PRKCE: variants seen among roughly 807,000 people sequenced by gnomAD.
The protein encoded by PRKCE is protein kinase C epsilon type.
PRKCE carries 16 observed loss-of-function variants against 85.4 expected under a neutral mutation model. The ratio of observed to expected loss-of-function variants is 0.19; its 90% confidence interval spans 0.13 to 0.28. The LOEUF (loss-of-function observed/expected upper bound fraction) is 0.28. PRKCE is among the 10% of genes least tolerant of loss of function. The pLI is 1.00. For synonymous variants in PRKCE, 388 were observed against 371.5 expected, an observed-to-expected ratio of 1.04 and a Z score of -0.51; for missense variants, 573 against 975.2, an observed-to-expected ratio of 0.59 and a Z score of 5.49.
intron 1 of PRKCE, among the ~76,000 whole-genome samples, chr2:45,757,254 T>A (rs1275548459): frequency 7.1e-6 from 1 of 140,078 alleles, no homozygotes; most frequent in East Asian, 2.1e-4. Flanking sequence ...TTGCAGTGTG[T>A]TGAGATTGCA....
intron 14 of PRKCE, among the ~76,000 whole-genome samples, chr2:46,169,876 G>C (rs1432870026): frequency 6.6e-6 from 1 of 152,190 alleles, no homozygotes; most frequent in African/African-American, 2.4e-5. Context: ...ATCACAGGCA[G>C]TGAGCTAAGG....
chr2:45,809,159 C>T (rs538553269), intron 1 of PRKCE, among the ~76,000 whole-genome samples: 32 of 152,280 alleles, frequency 2.1e-4, no homozygotes, highest in Admixed American at 6.5e-4. Context: ...TCCTGGAACT[C>T]TATAGGCATT....
chr2:45,795,672 G>T (rs1687381515), intron 1 of PRKCE, among the ~76,000 whole-genome samples: 1 of 152,164 alleles, frequency 6.6e-6, no homozygotes, highest in Non-Finnish European at 1.5e-5. Context: ...CACCTGGCCT[G>T]AAGGTCATAG....
chr2:46,112,893 C>T (rs1672410050), intron 11 of PRKCE, among the ~76,000 whole-genome samples: 1 of 151,858 alleles, frequency 6.6e-6, no homozygotes, highest in East Asian at 1.9e-4. Flanking sequence ...TGCTTTTTTA[C>T]TAAAAAGAAA....
At chr2:46,169,257 AC>A (rs1678651205) in intron 14 of PRKCE, among the ~76,000 whole-genome samples, 1 of 152,204 alleles carries the variant, frequency 6.6e-6, no homozygotes, top group Non-Finnish European at 1.5e-5. Context: ...GGGGATGGTA[AC>A]AGAATTAGGT....
chr2:45,837,287 T>C (rs2105444952), intron 1 of PRKCE, among the ~76,000 whole-genome samples: 1 of 152,206 alleles, frequency 6.6e-6, no homozygotes, highest in East Asian at 1.9e-4. Context: ...GACGGAGTCT[T>C]GCTCTGTTGC....
At chr2:45,877,702 C>T (rs1239293881) in intron 2 of PRKCE, among the ~76,000 whole-genome samples, 1 of 152,122 alleles carries the variant, frequency 6.6e-6, no homozygotes, top group Admixed American at 6.6e-5. Context: ...ATGCCAACAC[C>T]TGAAGTCTTT....
intron 10 of PRKCE, among the ~76,000 whole-genome samples, chr2:46,085,974 G>C (rs564503885): frequency 1.3e-5 from 2 of 152,152 alleles, no homozygotes; most frequent in Admixed American, 1.3e-4. Context: ...CCACTAGACC[G>C]AGGTGATGCC....
intron 14 of PRKCE, among the ~76,000 whole-genome samples, chr2:46,172,498 T>G (rs369151241): frequency 3.6e-4 from 48 of 131,600 alleles, no homozygotes; most frequent in African/African-American, 1.0e-3. Context: ...GGCCTGGGCG[T>G]GCCTGGGCGG....
chr2:45,899,094 G>A (rs968098787), intron 2 of PRKCE, among the ~76,000 whole-genome samples: 16 of 152,168 alleles, frequency 1.1e-4, no homozygotes, highest in African/African-American at 2.2e-4. Context: ...TCCAAGTCCC[G>A]CAGGACAGGA....
chr2:46,090,583 C>A (rs1240969898), intron 11 of PRKCE, among the ~76,000 whole-genome samples: 3 of 152,130 alleles, frequency 2.0e-5, no homozygotes, highest in Non-Finnish European at 4.4e-5. Context: ...TGGATTGCTA[C>A]CTCACAGGTA....
chr2:45,677,511 C>T (rs1276461271), intron 1 of PRKCE, among the ~76,000 whole-genome samples: 3 of 152,060 alleles, frequency 2.0e-5, no homozygotes, highest in Non-Finnish European at 4.4e-5. Flanking sequence ...CGCCCGCCAC[C>T]GCGCCCGGCT....
intron 2 of PRKCE, among the ~76,000 whole-genome samples, chr2:45,975,352 A>T (rs552606586): frequency 6.6e-6 from 1 of 152,312 alleles, no homozygotes; most frequent in East Asian, 1.9e-4. Flanking sequence ...TGGGTGTCTT[A>T]ACCAACAGAC....
intron 6 of PRKCE, among the ~76,000 whole-genome samples, chr2:45,987,424 T>A (rs1035299362): frequency 2.0e-5 from 3 of 152,176 alleles, no homozygotes; most frequent in African/African-American, 7.2e-5. Flanking sequence ...GGCCTTTTTT[T>A]CCCCTTGCTG....
intron 13 of PRKCE, among the ~76,000 whole-genome samples, chr2:46,154,798 A>C (rs1323326633): frequency 1.3e-5 from 2 of 149,000 alleles, no homozygotes; most frequent in African/African-American, 5.0e-5. Flanking sequence ...TATCCTGCTC[A>C]GTTGATACCT....
intron 1 of PRKCE, among the ~76,000 whole-genome samples, chr2:45,732,510 G>T (rs1332168043): frequency 6.6e-6 from 1 of 152,008 alleles, no homozygotes; most frequent in Non-Finnish European, 1.5e-5. Flanking sequence ...TTGAAAAAAG[G>T]TTTGAAGTCA....
intron 11 of PRKCE, among the ~76,000 whole-genome samples, chr2:46,137,322 A>C (rs1675099572): frequency 6.6e-6 from 1 of 152,246 alleles, no homozygotes; most frequent in Admixed American, 6.5e-5. Context: ...GATCACATGT[A>C]GGCACAAACA....
At chr2:45,769,537 G>A (rs546060933) in intron 1 of PRKCE, among the ~76,000 whole-genome samples, 12 of 152,276 alleles carry the variant, frequency 7.9e-5, no homozygotes, top group Non-Finnish European at 1.2e-4. Context: ...TTGGGCCCCG[G>A]AAACTGAAGA....
At chr2:46,134,208 C>T (rs1391195851) in intron 11 of PRKCE, among the ~76,000 whole-genome samples, 2 of 152,118 alleles carry the variant, frequency 1.3e-5, no homozygotes, top group South Asian at 2.1e-4. Context: ...TCCATTTGAC[C>T]AGTAGGTATT....
Sources: allele counts gnomAD v4.1 joint callset (sites outside exome capture counted in the v4.1 genomes callset), GRCh38; gene constraint gnomAD v4.1.1; transcripts MANE v1.5; gene names NCBI Gene and HGNC (gene_info 2026-07-23, HGNC 2026-07-21).